ARL6IP6: variants seen among roughly 807,000 people sequenced by gnomAD.
The protein encoded by ARL6IP6 is ADP-ribosylation factor-like protein 6-interacting protein 6.
A neutral mutation model predicts 21.5 loss-of-function variants in ARL6IP6; 22 were observed. That is an observed-to-expected ratio of 1.02 (90% CI 0.73 to 1.46). The LOEUF is 1.46. ARL6IP6 is among the 40% of genes most tolerant of loss of function. The pLI, the probability that ARL6IP6 is intolerant of heterozygous loss-of-function variation, is 0.00. For missense variants in ARL6IP6, 388 were observed against 299.8 expected, an observed-to-expected ratio of 1.29 and a Z score of -2.17; for synonymous variants, 164 against 125.3, an observed-to-expected ratio of 1.31 and a Z score of -2.06.
intron 3 of ARL6IP6, among the ~76,000 whole-genome samples, chr2:152,756,115 C>T (rs1701581228): frequency 6.6e-6 from 1 of 152,004 alleles, no homozygotes; most frequent in Non-Finnish European, 1.5e-5. Flanking sequence ...TCTTTAGTTT[C>T]TTGTGCTTTT....
intron 2 of ARL6IP6, among the ~76,000 whole-genome samples, chr2:152,722,626 C>T (rs922125814): frequency 3.3e-5 from 5 of 152,084 alleles, no homozygotes; most frequent in African/African-American, 4.8e-5. Context: ...TGATCGGCCA[C>T]GCGCGGTGGC....
At chr2:152,750,445 C>T (rs1701271222) in intron 3 of ARL6IP6, among the ~76,000 whole-genome samples, 1 of 142,548 alleles carries the variant, frequency 7.0e-6, no homozygotes, top group Non-Finnish European at 1.5e-5. Flanking sequence ...CACTGCACTC[C>T]AGACCAGGTG....
At position 152,735,036 on chromosome 2, in the gene ARL6IP6, C is replaced by T; in HGVS notation, c.497C>T (p.Ser166Phe). 1 of 1,613,328 alleles carries T rather than the reference C, an allele frequency of 6.2e-7. No individual in the cohort carries two copies. The highest frequency in any genetic ancestry group is 8.5e-7 in the Non-Finnish European group (1 of 1,179,352). Residue 166 changes from serine (S) to phenylalanine (F), a missense_variant, in exon 3 of 4, where the codon TCC (serine) becomes TTC (phenylalanine). Transcript: ENST00000326446. The stretch of plus-strand genomic sequence containing the variant: ...ATAATATCCCTAACTGCTGGATTCT[C>T]CTGTTGCAGCTTTTCTTGGACAGTG... The part of the protein sequence containing the change: ...LLIISLTAGF[S>F]CCSFSWTVTY...
intron 2 of ARL6IP6, among the ~76,000 whole-genome samples, chr2:152,721,086 C>G (rs891862448): frequency 3.9e-5 from 6 of 152,032 alleles, no homozygotes; most frequent in Admixed American, 3.9e-4. Flanking sequence ...AGAGTGAGAC[C>G]CTGTCTGAAA....
intron 3 of ARL6IP6, among the ~76,000 whole-genome samples, chr2:152,752,009 C>G (rs1701355811): frequency 6.6e-6 from 1 of 152,142 alleles, no homozygotes; most frequent in Non-Finnish European, 1.5e-5. Context: ...GACTATTACA[C>G]AGAATTTCAG....
At chr2:152,738,270 C>T (rs914412663) in intron 3 of ARL6IP6, among the ~76,000 whole-genome samples, 1 of 152,250 alleles carries the variant, frequency 6.6e-6, no homozygotes, top group African/African-American at 2.4e-5. Context: ...GCTGCTTTCA[C>T]AGGCTGGCAT....
At chr2:152,734,410 G>A (rs148941111) in intron 2 of ARL6IP6, among the ~76,000 whole-genome samples, 28 of 152,336 alleles carry the variant, frequency 1.8e-4, no homozygotes, top group Middle Eastern at 3.4e-3. Context: ...AAAGTGCATG[G>A]CGTGGAATGA....
intron 3 of ARL6IP6, among the ~76,000 whole-genome samples, chr2:152,754,381 A>T (rs1237835002): frequency 6.6e-6 from 1 of 152,136 alleles, no homozygotes; most frequent in East Asian, 1.9e-4. Flanking sequence ...AGGTTCATCC[A>T]TATTGTGGCA....
chr2:152,736,235 A>C (rs1700546195), intron 3 of ARL6IP6, among the ~76,000 whole-genome samples: 1 of 152,216 alleles, frequency 6.6e-6, no homozygotes, highest in East Asian at 1.9e-4. Context: ...CCACTCAATT[A>C]GAAGTTTACT....
In ARL6IP6 at chr2:152,718,931, C is replaced by G; in HGVS notation, c.307C>G (p.Arg103Gly). 1 of 1,613,738 alleles carries G rather than the reference C, an allele frequency of 6.2e-7. No individual in the cohort carries two copies. Among genetic ancestry groups the G allele is most frequent in the Non-Finnish European group, 8.5e-7 (1 of 1,179,822 alleles). Residue 103 changes from arginine (R) to glycine (G), a missense_variant, in exon 1 of 4, where the codon CGG becomes GGG. By Grantham distance (125) the Arg-to-Gly change is moderately radical. Coordinates refer to ENST00000326446, the MANE Select transcript of ARL6IP6 (RefSeq NM_152522.7). ...CGCGGGCAGCAGAGCCCAGCCTCGG[C>G]GGTGGCCGGTCCAGGTCCTCTCTAT... ...AAAGSRAQPR[R>G]WPVQVLSILC...
At chr2:152,735,528 T>C (rs1700511705) in intron 3 of ARL6IP6, among the ~76,000 whole-genome samples, 1 of 152,220 alleles carries the variant, frequency 6.6e-6, no homozygotes. Context: ...TCCTTAGGAT[T>C]TTAACTTTGT....
chr2:152,718,922 C>T lies in ARL6IP6; in HGVS notation c.298C>T (p.Gln100Ter), dbSNP rs1291797767. 6.2e-7 allele frequency: 1 copy of T among 1,613,888 alleles called. No individual in the cohort carries two copies. Among genetic ancestry groups the T allele is most frequent in the Non-Finnish European group, 8.5e-7 (1 of 1,179,876 alleles). Residue 100 changes from glutamine to a stop codon, truncating the protein, a stop_gained, in exon 1 of 4, where the codon CAG (glutamine) becomes TAG (stop). Coordinates refer to ENST00000326446, the MANE Select transcript of ARL6IP6 (RefSeq NM_152522.7). LOFTEE classifies it high-confidence loss of function. ...IFPAAAGSRA[Q>*]PRRWPVQVLS... ...TCCCGCGGCCGCGGGCAGCAGAGCCCAGCCTCGGCGGTGGCCGGTCCAGGT... is the reference window on the plus strand; with the variant it reads ...TCCCGCGGCCGCGGGCAGCAGAGCCTAGCCTCGGCGGTGGCCGGTCCAGGT...
chr2:152,751,019 T>TGA lies in ARL6IP6; in HGVS notation c.588-8728_588-8727insGA, dbSNP rs1701303764. Among the ~76,000 whole-genome samples the TGA allele has an allele frequency of 7.2e-5, 11 of 152,354 alleles. No individual in the cohort carries two copies. In the South Asian group the frequency reaches 2.3e-3, roughly 32 times the overall value. ...GAAGGTCTTCAAAGTGAAACATTTC[T>TGA]ATGATGTTGCCATGAAACCGTGGGA... On this transcript the variant is annotated intron_variant, in intron 3 of 3. Coordinates refer to ENST00000326446, the MANE Select transcript of ARL6IP6 (RefSeq NM_152522.7).
intron 2 of ARL6IP6, among the ~76,000 whole-genome samples, chr2:152,726,676 C>A (rs1290219292): frequency 1.3e-5 from 2 of 152,274 alleles, no homozygotes; most frequent in East Asian, 3.9e-4. Flanking sequence ...GTTTTTACAA[C>A]TTTTAAAGTT....
intron 3 of ARL6IP6, among the ~76,000 whole-genome samples, chr2:152,755,587 G>A (rs960922948): frequency 6.6e-6 from 1 of 152,078 alleles, no homozygotes; most frequent in African/African-American, 2.4e-5. Flanking sequence ...CTCTCTCTCT[G>A]CCTTGGCTGC....
At chr2:152,734,898 T>C (rs1466379405) in intron 2 of ARL6IP6, 96 bp from the exon 3 acceptor site, 2 of 1,243,138 alleles carry the variant, frequency 1.6e-6, no homozygotes, top group Admixed American at 4.4e-5. Context: ...ATTTAGAAGA[T>C]GAGAAATATA....
intron 3 of ARL6IP6, among the ~76,000 whole-genome samples, chr2:152,758,052 C>T (rs1402991021): frequency 6.6e-6 from 1 of 152,158 alleles, no homozygotes; most frequent in Non-Finnish European, 1.5e-5. Context: ...CAGTCATCCC[C>T]CTTTATCTGT....
At chr2:152,723,391 T>TGG (rs1391561535) in intron 2 of ARL6IP6, among the ~76,000 whole-genome samples, 1 of 152,238 alleles carries the variant, frequency 6.6e-6, no homozygotes, top group African/African-American at 2.4e-5. Context: ...TAATAATGTT[T>TGG]GATTGTTTTG....
In ARL6IP6 at chr2:152,761,758, A is replaced by C. The variant is rs1701855963; in HGVS notation, c.*1918A>C. 6.6e-6 allele frequency among the ~76,000 whole-genome samples: 1 copy of C among 152,186 alleles called. No individual in the cohort carries two copies. Reference sequence around the variant, plus strand: ...ACAGGTTTATAGTCTAGGAGCAATAAGCTATACCATATAGCCTAGGTGTGT... The same window carrying C: ...ACAGGTTTATAGTCTAGGAGCAATACGCTATACCATATAGCCTAGGTGTGT... On this transcript the variant is annotated 3_prime_UTR_variant, in exon 4 of 4. Coordinates refer to ENST00000326446, the MANE Select transcript of ARL6IP6 (RefSeq NM_152522.7).
Sources: gnomAD v4.1 joint callset for allele counts (sites outside exome capture counted in the v4.1 genomes callset) on GRCh38, gnomAD v4.1.1 for gene constraint, MANE v1.5 for transcripts, NCBI Gene and HGNC (gene_info 2026-07-23, HGNC 2026-07-21) for gene names.